TMEM64: variants seen among roughly 807,000 people sequenced by gnomAD.
TMEM64 encodes transmembrane protein 64.
In TMEM64, 19 loss-of-function variants were observed where a neutral mutation model predicts 24.5. That is an observed-to-expected ratio of 0.78 (90% CI 0.54 to 1.14). TMEM64 has a LOEUF of 1.14. Ranked by LOEUF, TMEM64 falls within the 50% of genes most tolerant of loss-of-function variation. TMEM64 has a pLI of 0.00. For missense variants in TMEM64, 487 were observed against 493.0 expected (o/e 0.99, Z 0.12); for synonymous variants, 262 against 224.7 (o/e 1.17, Z -1.49).
At chr8:90,643,218 A>G (rs967974972) in intron 1 of TMEM64, among the ~76,000 whole-genome samples, 4 of 152,214 alleles carry the variant, frequency 2.6e-5, no homozygotes, top group Non-Finnish European at 5.9e-5. Flanking sequence ...CCATGGTTCA[A>G]AGTTTGACTC....
At chr8:90,639,690 T>C (rs1006215154) in intron 1 of TMEM64, among the ~76,000 whole-genome samples, 2 of 152,096 alleles carry the variant, frequency 1.3e-5, no homozygotes, top group African/African-American at 4.8e-5. Flanking sequence ...ACAAAAATCA[T>C]TAACTCAATA....
At chr8:90,636,982 C>A (rs534584345) in intron 1 of TMEM64, among the ~76,000 whole-genome samples, 1 of 152,246 alleles carries the variant, frequency 6.6e-6, no homozygotes, top group East Asian at 1.9e-4. Flanking sequence ...ATTATATATC[C>A]TCTTATTCCC....
intron 2 of TMEM64, among the ~76,000 whole-genome samples, chr8:90,629,452 A>C (rs1469644856): frequency 1.3e-5 from 2 of 152,158 alleles, no homozygotes; most frequent in African/African-American, 4.8e-5. Flanking sequence ...CTAATTACTC[A>C]AATGTAAAGT....
At chr8:90,630,334 T>C (rs1809418953) in intron 2 of TMEM64, among the ~76,000 whole-genome samples, 1 of 152,202 alleles carries the variant, frequency 6.6e-6, no homozygotes. Flanking sequence ...GTATTGTTAT[T>C]TTTAATTTTT....
Position 90,645,188 on chromosome 8 carries a change from C to G in TMEM64, c.718G>C (p.Gly240Arg), listed in dbSNP as rs779751595. ...KLSAVIRVVE[G>R]GSGLKVVALA... is the part of the protein sequence containing the mutation. ...GCCACCACTTTCAGGCCGCTTCCTC[C>G]CTCCACTACGCGAATAACCGCGCTC... Residue 240 changes from glycine (G) to arginine (R), a missense_variant, in exon 1 of 3, where the codon GGA becomes CGA. Physicochemically the swap from Gly to Arg is moderately radical, Grantham distance 125. Coordinates refer to ENST00000458549, the MANE Select transcript of TMEM64 (RefSeq NM_001008495.4). The surrounding 1 kb of genome is among the most constrained non-coding windows in gnomAD (Gnocchi z 4.2). 1.2e-6 allele frequency: 2 copies of G among 1,614,186 alleles called. No homozygotes were observed. The highest frequency in any genetic ancestry group is 1.7e-6 in the Non-Finnish European group (2 of 1,180,026).
chr8:90,633,275 G>A (rs577171582), intron 1 of TMEM64, among the ~76,000 whole-genome samples: 11 of 152,326 alleles, frequency 7.2e-5, no homozygotes, highest in African/African-American at 2.6e-4. Flanking sequence ...GCAAGGAACT[G>A]ATGTCTTCAG....
intron 1 of TMEM64, 74 bp from the exon 2 acceptor site, chr8:90,631,781 T>G (rs1280502890): frequency 1.7e-5 from 22 of 1,299,402 alleles, no homozygotes; most frequent in Non-Finnish European, 1.9e-5. Flanking sequence ...ATGTGTGTAT[T>G]AAGTCTAACT....
intron 1 of TMEM64, among the ~76,000 whole-genome samples, chr8:90,636,286 C>T (rs993357058): frequency 1.4e-4 from 22 of 152,156 alleles, no homozygotes; most frequent in Admixed American, 1.4e-3. Flanking sequence ...GAGAGAGTCT[C>T]ACTCTGTTGC....
chr8:90,642,177 G>A (rs1443311510), intron 1 of TMEM64, among the ~76,000 whole-genome samples: 1 of 152,180 alleles, frequency 6.6e-6, no homozygotes, highest in Non-Finnish European at 1.5e-5. Context: ...TTACTGGGAA[G>A]TGACTATGAG....
chr8:90,641,644 A>C (rs971811059), intron 1 of TMEM64, among the ~76,000 whole-genome samples: 6 of 152,230 alleles, frequency 3.9e-5, no homozygotes, highest in Non-Finnish European at 5.9e-5. Context: ...CTAACTGTGT[A>C]ATCTTGAGCA....
intron 1 of TMEM64, among the ~76,000 whole-genome samples, chr8:90,642,477 A>C (rs556277599): frequency 6.6e-6 from 1 of 152,192 alleles, no homozygotes; most frequent in Non-Finnish European, 1.5e-5. Context: ...AACACAAGAA[A>C]TATGCCTAGA....
chr8:90,643,261 T>C (rs1033010900), intron 1 of TMEM64, among the ~76,000 whole-genome samples: 11 of 152,192 alleles, frequency 7.2e-5, no homozygotes, highest in Non-Finnish European at 2.9e-5. Flanking sequence ...TGACCTTGGG[T>C]CATAACAACA....
intron 2 of TMEM64, among the ~76,000 whole-genome samples, chr8:90,626,409 A>G (rs1051466136): frequency 1.3e-5 from 2 of 152,206 alleles, no homozygotes; most frequent in Non-Finnish European, 2.9e-5. Flanking sequence ...GTGAACAAGT[A>G]ATTGCCTGTA....
rs1339989226 is a variant in TMEM64, at chr8:90,645,678, G to A, written c.228C>T (p.Pro76=). The change falls in exon 1 of 3, where the codon CCC becomes CCT. Residue 76 remains proline (P), a synonymous_variant. Coordinates refer to ENST00000458549, the MANE Select transcript of TMEM64 (RefSeq NM_001008495.4). The surrounding 1 kb of genome is among the most constrained non-coding windows in gnomAD (Gnocchi z 4.2). The stretch of plus-strand genomic sequence containing the variant: ...CCGGCTCCGGCAGCTCCGAAGCCTC[G>A]GGCGGACCGTGGCGCTCCAGATAGG... ...LGAYLERHGP[P]EASELPEPGG... is the part of the protein sequence containing the mutation. The A allele has an allele frequency of 5.3e-6, 8 of 1,495,556 alleles. No individual in the cohort carries two copies. Among genetic ancestry groups the A allele is most frequent in the Non-Finnish European group, 7.1e-6 (8 of 1,130,478 alleles). The allele number at this position is 1,495,556 out of a possible 1,614,324, so 92.6% of individuals were successfully genotyped here. A position where few individuals can be genotyped will look rare whatever the true frequency, so the allele number is the denominator to read the frequency against.
chr8:90,631,773 G>A, intron 1 of TMEM64, 66 bp from the exon 2 acceptor site: 2 of 1,428,584 alleles, frequency 1.4e-6, no homozygotes, highest in Non-Finnish European at 1.9e-6. Flanking sequence ...ATAAAAAAAT[G>A]TGTGTATTAA....
At chr8:90,626,143 C>T (rs1406703077) in intron 2 of TMEM64, among the ~76,000 whole-genome samples, 1 of 152,168 alleles carries the variant, frequency 6.6e-6, no homozygotes, top group Non-Finnish European at 1.5e-5. Flanking sequence ...AAACCTGTCT[C>T]TTTGTACCAA....
rs1366332138 is a variant in TMEM64, at chr8:90,645,494, C to T, written c.412G>A (p.Ala138Thr). 1 of 1,551,048 alleles carries T rather than the reference C, an allele frequency of 6.4e-7. No homozygotes were observed. Among genetic ancestry groups the T allele is most frequent in the Non-Finnish European group, 8.7e-7 (1 of 1,147,008 alleles). Residue 138 changes from alanine (A) to threonine (T), a missense_variant, in exon 1 of 3, where the codon GCC becomes ACC. Physicochemically the swap from Ala to Thr is moderately conservative, Grantham distance 58. This residue lies in a region of TMEM64 where 419 missense variants were observed against 407.5 expected (regional missense o/e 1.03). Coordinates refer to ENST00000458549, the MANE Select transcript of TMEM64 (RefSeq NM_001008495.4). This position sits in a 1 kb window ranked among gnomAD's most constrained non-coding sequence, Gnocchi z 4.2. ...TGGTGAAGGTAGCGGCGGACCAGGG[C>T]CAGGGAAGCGAAGCACAGGGCGGCC... ...VLAALCFASL[A>T]LVRRYLHHLL...
chr8:90,632,617 A>C (rs7823272), intron 1 of TMEM64, among the ~76,000 whole-genome samples: 10,360 of 152,258 alleles, frequency 0.068, 1,132 homozygotes, highest in African/African-American at 0.23. Context: ...CCAGCACGCC[A>C]GGCCCTACTT....
In TMEM64 at chr8:90,639,706, T is replaced by C. The variant is rs190799487; in HGVS notation, c.795+5405A>G. ...CAAAAATCATTAACTCAATATTATA[T>C]TAAAATACATATCAATAAAATGCAA... On this transcript the variant is annotated intron_variant, in intron 1 of 2. Transcript: ENST00000458549. Among the ~76,000 whole-genome samples the C allele has an allele frequency of 1.3e-3, 204 of 152,286 alleles. 1 individual carries two copies. The highest frequency in any genetic ancestry group is 4.5e-3 in the African/African-American group (186 of 41,558).
Sources: gnomAD v4.1 joint callset for allele counts (sites outside exome capture counted in the v4.1 genomes callset) on GRCh38, gnomAD v4.1.1 for gene constraint, gnomAD v4.1.1 regional missense constraint, Gnocchi (gnomAD v3.1) non-coding constraint, MANE v1.5 for transcripts, NCBI Gene and HGNC (gene_info 2026-07-23, HGNC 2026-07-21) for gene names.